SSBP2: variants seen among roughly 807,000 people sequenced by gnomAD.
SSBP2 encodes single-stranded DNA-binding protein 2.
Under a neutral mutation model 61.8 loss-of-function variants are expected in SSBP2, and 17 were observed. That is an observed-to-expected ratio of 0.28 (90% confidence interval 0.19 to 0.41). The LOEUF (loss-of-function observed/expected upper bound fraction) is 0.41. SSBP2 is among the 10% of genes least tolerant of loss of function. The pLI is 1.00. For synonymous variants in SSBP2, 139 were observed against 141.3 expected (o/e 0.98, Z 0.12); for missense variants, 310 against 458.7 (o/e 0.68, Z 2.96).
chr5:81,709,810 A>C (rs1246426293), intron 1 of SSBP2, among the ~76,000 whole-genome samples: 1 of 151,976 alleles, frequency 6.6e-6, no homozygotes. Context: ...AATATATAAA[A>C]GCCATCATAG....
At chr5:81,607,033 A>C (rs1744944208) in intron 4 of SSBP2, among the ~76,000 whole-genome samples, 1 of 152,176 alleles carries the variant, frequency 6.6e-6, no homozygotes, top group African/African-American at 2.4e-5. Context: ...ATACACGCTG[A>C]ATTAAGGTGT....
At chr5:81,471,625 A>T (rs957768860) in intron 8 of SSBP2, among the ~76,000 whole-genome samples, 1 of 152,038 alleles carries the variant, frequency 6.6e-6, no homozygotes, top group African/African-American at 2.4e-5. Flanking sequence ...ATTGGTTAAC[A>T]TGTATCATCA....
chr5:81,693,968 T>C (rs1425625404), intron 1 of SSBP2, among the ~76,000 whole-genome samples: 1 of 151,996 alleles, frequency 6.6e-6, no homozygotes, highest in Non-Finnish European at 1.5e-5. Flanking sequence ...GAAAATATGG[T>C]GCATATACAG....
chr5:81,592,690 C>T (rs188687997), intron 4 of SSBP2, among the ~76,000 whole-genome samples: 22 of 152,278 alleles, frequency 1.4e-4, no homozygotes, highest in Admixed American at 1.0e-3. Flanking sequence ...CAACAATATA[C>T]GCTGTTCTGC....
At chr5:81,593,971 G>A (rs1409283816) in intron 4 of SSBP2, among the ~76,000 whole-genome samples, 1 of 152,130 alleles carries the variant, frequency 6.6e-6, no homozygotes, top group Non-Finnish European at 1.5e-5. Context: ...ATAATGACAG[G>A]ATCAAATTCA....
At chr5:81,722,428 A>G in intron 1 of SSBP2, among the ~76,000 whole-genome samples, 1 of 151,010 alleles carries the variant, frequency 6.6e-6, no homozygotes. Context: ...GAGGGCAAAG[A>G]GAACAGTTCA....
At chr5:81,475,894 G>T (rs1016369163) in intron 6 of SSBP2, among the ~76,000 whole-genome samples, 18 of 151,920 alleles carry the variant, frequency 1.2e-4, no homozygotes, top group Admixed American at 9.8e-4. Flanking sequence ...TTGAATAATT[G>T]TGTGTGTATA....
intron 1 of SSBP2, among the ~76,000 whole-genome samples, chr5:81,706,348 T>A (rs1208652090): frequency 6.6e-6 from 1 of 151,974 alleles, no homozygotes; most frequent in Non-Finnish European, 1.5e-5. Flanking sequence ...GAGGGAAGGA[T>A]AGAGGAAAGG....
At chr5:81,637,852 C>A (rs1748382622) in intron 2 of SSBP2, among the ~76,000 whole-genome samples, 1 of 152,130 alleles carries the variant, frequency 6.6e-6, no homozygotes, top group Non-Finnish European at 1.5e-5. Flanking sequence ...TGGAACCAAC[C>A]CGAATGTCCA....
intron 16 of SSBP2, among the ~76,000 whole-genome samples, chr5:81,427,262 A>T (rs1043804871): frequency 6.6e-6 from 1 of 152,216 alleles, no homozygotes; most frequent in African/African-American, 2.4e-5. Context: ...CATAATCTTA[A>T]GCATTATGAC....
At chr5:81,716,153 A>G (rs1755158825) in intron 1 of SSBP2, among the ~76,000 whole-genome samples, 1 of 152,178 alleles carries the variant, frequency 6.6e-6, no homozygotes, top group Non-Finnish European at 1.5e-5. Context: ...TAGCGTCAAA[A>G]AAAAAATCAA....
intron 4 of SSBP2, among the ~76,000 whole-genome samples, chr5:81,606,736 T>A (rs1022729822): frequency 6.6e-6 from 1 of 152,182 alleles, no homozygotes; most frequent in East Asian, 1.9e-4. Flanking sequence ...GTGAATGAAG[T>A]TAGAATCCTA....
At chr5:81,583,300 T>A (rs1453532135) in intron 4 of SSBP2, among the ~76,000 whole-genome samples, 1 of 151,926 alleles carries the variant, frequency 6.6e-6, no homozygotes, top group Admixed American at 6.6e-5. Context: ...AAAAAATAGG[T>A]TCCACCCACA....
At chr5:81,432,357 T>C (rs1223124137) in intron 15 of SSBP2, among the ~76,000 whole-genome samples, 2 of 152,230 alleles carry the variant, frequency 1.3e-5, no homozygotes, top group East Asian at 1.9e-4. Flanking sequence ...TGATCAGAGC[T>C]TGTCTTCTCA....
At chr5:81,663,777 C>T (rs561662418) in intron 1 of SSBP2, among the ~76,000 whole-genome samples, 7 of 152,226 alleles carry the variant, frequency 4.6e-5, no homozygotes, top group Admixed American at 6.5e-5. Context: ...TTTTAATATT[C>T]AAAGAAAGTG....
At position 81,750,987 on chromosome 5, in the gene SSBP2, C is replaced by T; in HGVS notation, c.56G>A (p.Arg19Gln). The T allele has an allele frequency of 6.3e-7, 1 of 1,596,318 alleles. No homozygotes were observed. Among genetic ancestry groups the T allele is most frequent in the Non-Finnish European group, 8.5e-7 (1 of 1,171,540 alleles). ...GAGAAGCGGAGACACTTACTTCTCCCGGGCCTGGCTGTCGGACGGGACGGC... is the reference window on the plus strand; with the variant it reads ...GAGAAGCGGAGACACTTACTTCTCCTGGGCCTGGCTGTCGGACGGGACGGC... Residue 19 changes from arginine (R) to glutamine (Q), a missense_variant, in exon 1 of 17, where the codon CGG becomes CAG. Around this residue, in one of 4 missense-constraint regions of SSBP2, gnomAD observed 36 missense variants for 27.0 expected, o/e 1.33. Coordinates refer to ENST00000320672, the MANE Select transcript of SSBP2 (RefSeq NM_012446.5).
intron 1 of SSBP2, among the ~76,000 whole-genome samples, chr5:81,669,966 G>T (rs1174011468): frequency 7.4e-6 from 1 of 136,050 alleles, no homozygotes; most frequent in Non-Finnish European, 1.7e-5. Context: ...AAAGGCAGAA[G>T]TATAGAGAGA....
chr5:81,451,572 G>A (rs1305533605), intron 10 of SSBP2, among the ~76,000 whole-genome samples: 2 of 152,186 alleles, frequency 1.3e-5, no homozygotes, highest in East Asian at 1.9e-4. Flanking sequence ...GATTACAGGT[G>A]CCTGCTATCA....
At chr5:81,713,736 G>A (rs1754965741) in intron 1 of SSBP2, among the ~76,000 whole-genome samples, 1 of 152,068 alleles carries the variant, frequency 6.6e-6, no homozygotes, top group Non-Finnish European at 1.5e-5. Flanking sequence ...TTTAAGGAGA[G>A]CCTGAAATAG....
Sources: gnomAD v4.1 joint callset for allele counts (sites outside exome capture counted in the v4.1 genomes callset) on GRCh38, gnomAD v4.1.1 for gene constraint, gnomAD v4.1.1 regional missense constraint, MANE v1.5 for transcripts, NCBI Gene and HGNC (gene_info 2026-07-23, HGNC 2026-07-21) for gene names.